The following LGSN variants were observed in gnomAD, a reference collection of about 807,000 sequenced individuals.
LGSN encodes lengsin, lens protein with glutamine synthetase domain.
Under a neutral mutation model 19.5 loss-of-function variants are expected in LGSN, and 21 were observed. The ratio of observed to expected loss-of-function variants is 1.07; its 90% CI spans 0.76 to 1.55. The LOEUF (loss-of-function observed/expected upper bound fraction) is 1.55, where lower values mean the gene tolerates loss of function less well. LGSN is among the 40% of genes most tolerant of loss of function. The pLI is 0.00. For missense variants in LGSN, 673 were observed against 608.5 expected (o/e 1.11, Z -1.12); for synonymous variants, 257 against 215.6 (o/e 1.19, Z -1.68).
At chr6:63,387,659 G>C in the LGSN span, among the ~76,000 whole-genome samples, 143 of 151,912 alleles carry the variant, frequency 9.4e-4, no homozygotes, top group Non-Finnish European at 1.3e-3. Flanking sequence ...CATGCAATGG[G>C]AGAGATGTCA....
chr6:63,407,479 G>A, the LGSN span, among the ~76,000 whole-genome samples: 4 of 152,066 alleles, frequency 2.6e-5, no homozygotes, highest in Non-Finnish European at 4.4e-5. Flanking sequence ...AAATTCAACA[G>A]CGCTTCATGC....
At chr6:63,467,839 G>A in the LGSN span, among the ~76,000 whole-genome samples, 2 of 151,886 alleles carry the variant, frequency 1.3e-5, no homozygotes, top group Non-Finnish European at 2.9e-5. Context: ...TTACAGGAAC[G>A]CATCACCATG....
the LGSN span, among the ~76,000 whole-genome samples, chr6:63,388,216 G>T: frequency 1.3e-5 from 2 of 151,992 alleles, no homozygotes; most frequent in Admixed American, 6.6e-5. Context: ...GTATCATTTC[G>T]TAATTTAAAA....
the LGSN span, among the ~76,000 whole-genome samples, chr6:63,496,379 C>T: frequency 2.0e-5 from 3 of 152,162 alleles, no homozygotes; most frequent in Non-Finnish European, 2.9e-5. Flanking sequence ...CAATGACACA[C>T]ACATAATAAG....
chr6:63,409,341 G>A, the LGSN span, among the ~76,000 whole-genome samples: 2 of 152,126 alleles, frequency 1.3e-5, no homozygotes, highest in African/African-American at 4.8e-5. Context: ...ATGTAATCTA[G>A]TCAGTCTATT....
At chr6:63,562,870 T>C in the LGSN span, among the ~76,000 whole-genome samples, 1 of 152,348 alleles carries the variant, frequency 6.6e-6, no homozygotes, top group Non-Finnish European at 1.5e-5. Flanking sequence ...ATATTGCTAA[T>C]GAAAATGTGA....
the LGSN span, among the ~76,000 whole-genome samples, chr6:63,503,124 AT>A: frequency 6.6e-6 from 1 of 151,662 alleles, no homozygotes; most frequent in Non-Finnish European, 1.5e-5. Context: ...TCATGAGTAA[AT>A]TTTTTTCTGC....
chr6:63,404,002 A>C, the LGSN span, among the ~76,000 whole-genome samples: 1 of 151,886 alleles, frequency 6.6e-6, no homozygotes, highest in African/African-American at 2.4e-5. Context: ...TTTAAGAAGC[A>C]AGCCGCCATG....
Position 63,280,224 on chromosome 6 carries a change from C to A in LGSN, c.1327G>T (p.Glu443Ter), listed in dbSNP as rs1767239426. The stretch of plus-strand genomic sequence containing the variant: ...TCCACTTGGTAAAAGTCTGTGCTCT[C>A]ATCTGGACCAGCCAAGACCTCATTA... Reference protein sequence around the residue: ...SSNEVLAGPDESTDFYQVEPS... With the variant: ...SSNEVLAGPD The change falls in exon 4 of 4, where the codon GAG becomes TAG. Residue 443 changes from glutamate (E) to a stop codon, truncating the protein, a stop_gained. Transcript: ENST00000370657. LOFTEE classifies it high-confidence loss of function. 6.2e-7 allele frequency: 1 copy of A among 1,614,218 alleles called. No individual in the cohort carries two copies.
chr6:63,406,142 C>G, the LGSN span, among the ~76,000 whole-genome samples: 1 of 152,096 alleles, frequency 6.6e-6, no homozygotes, highest in Non-Finnish European at 1.5e-5. Context: ...AACAAGGATA[C>G]CCAGGAATTG....
the LGSN span, among the ~76,000 whole-genome samples, chr6:63,438,818 T>C: frequency 6.6e-6 from 1 of 152,332 alleles, no homozygotes; most frequent in Non-Finnish European, 1.5e-5. Flanking sequence ...GATCTAGAAC[T>C]AGAAATACCA....
At chr6:63,302,354 T>G (rs993588199) in intron 1 of LGSN, among the ~76,000 whole-genome samples, 3 of 152,206 alleles carry the variant, frequency 2.0e-5, no homozygotes, top group African/African-American at 7.2e-5. Flanking sequence ...TCTGATGAAC[T>G]TTCTTAAAGC....
At chr6:63,564,872 C>T in the LGSN span, among the ~76,000 whole-genome samples, 67 of 152,290 alleles carry the variant, frequency 4.4e-4, 1 homozygote, top group East Asian at 0.011. Context: ...CTAGATTCCT[C>T]CAGGTACCAG....
chr6:63,422,743 A>C, the LGSN span, among the ~76,000 whole-genome samples: 2 of 152,178 alleles, frequency 1.3e-5, no homozygotes, highest in Non-Finnish European at 2.9e-5. Context: ...TAATCAAAAT[A>C]CAATTCTAAA....
the LGSN span, among the ~76,000 whole-genome samples, chr6:63,433,865 T>C: frequency 6.6e-6 from 1 of 152,168 alleles, no homozygotes. Flanking sequence ...GTATTTTGAG[T>C]AAAAAAGTTG....
the LGSN span, among the ~76,000 whole-genome samples, chr6:63,340,603 AT>A: frequency 8.8e-6 from 1 of 114,248 alleles, no homozygotes; most frequent in East Asian, 2.7e-4. Context: ...CATTTCCAGG[AT>A]TTCTGTTTGG....
the LGSN span, among the ~76,000 whole-genome samples, chr6:63,445,200 A>G: frequency 4.6e-5 from 7 of 152,042 alleles, no homozygotes; most frequent in South Asian, 2.1e-4. Flanking sequence ...AATCCCAGCT[A>G]CTCAGGAGGC....
At chr6:63,281,328 T>G (rs1409904197) in intron 3 of LGSN, 108 bp from the exon 4 acceptor site, 3 of 167,826 alleles carry the variant, frequency 1.8e-5, no homozygotes, top group African/African-American at 2.5e-5. Flanking sequence ...TATATATATA[T>G]ATAATAAATA....
the LGSN span, among the ~76,000 whole-genome samples, chr6:63,353,924 A>G: frequency 3.9e-5 from 6 of 152,262 alleles, no homozygotes; most frequent in South Asian, 8.3e-4. Context: ...AAATGGTGCT[A>G]AGAATACTGG....
Sources: allele counts gnomAD v4.1 joint callset (sites outside exome capture counted in the v4.1 genomes callset), GRCh38; gene constraint gnomAD v4.1.1; transcripts MANE v1.5; gene names NCBI Gene and HGNC (gene_info 2026-07-23, HGNC 2026-07-21).